LCT: variants seen among roughly 807,000 people sequenced by gnomAD.
LCT encodes lactase/phlorizin hydrolase.
A neutral mutation model predicts 173.0 loss-of-function variants in LCT; 90 were observed. The observed-to-expected ratio is 0.52, with a 90% CI of 0.44 to 0.62. The LOEUF is 0.62. LCT is among the 20% of genes least tolerant of loss of function. The probability of loss-of-function intolerance (pLI) is 0.00; values close to 1 mark genes in which losing one functional copy is unlikely to be tolerated. For synonymous variants in LCT, 853 were observed against 957.6 expected (o/e 0.89, Z 2.02); for missense variants, 1,864 against 2,431.4 (o/e 0.77, Z 4.91).
At chr2:135,800,252 T>G (rs2077614478) in intron 12 of LCT, among the ~76,000 whole-genome samples, 1 of 152,000 alleles carries the variant, frequency 6.6e-6, no homozygotes, top group African/African-American at 2.4e-5. Flanking sequence ...TTTTTGGGGG[T>G]TGGGGGTGGT....
Position 135,790,667 on chromosome 2 carries a change from C to T in LCT, c.5326G>A (p.Ala1776Thr), listed in dbSNP as rs755154507. Residue 1776 changes from alanine to threonine, a missense_variant, in exon 15 of 17, where the codon GCC becomes ACC. Around this residue, in one of 4 missense-constraint regions of LCT, gnomAD observed 514 missense variants for 750.1 expected, o/e 0.69. Transcript: ENST00000264162. This position sits in a 1 kb window ranked among gnomAD's most constrained non-coding sequence, Gnocchi z 4.1. Reference sequence around the variant, plus strand: ...GGCGGGCCCGTCGTACCTTTGAGGGCCTCATTGATGTAAGTCCGAAGGTAG... The same window carrying T: ...GGCGGGCCCGTCGTACCTTTGAGGGTCTCATTGATGTAAGTCCGAAGGTAG... ...IYYLRTYINE[A>T]LKAVQDKVDL... The T allele has an allele frequency of 1.2e-6, 2 of 1,608,464 alleles. No homozygotes were observed. The highest frequency in any genetic ancestry group is 1.7e-6 in the Non-Finnish European group (2 of 1,176,132).
intron 5 of LCT, among the ~76,000 whole-genome samples, chr2:135,818,632 G>T (rs919129604): frequency 1.3e-5 from 2 of 152,202 alleles, no homozygotes; most frequent in African/African-American, 4.8e-5. Flanking sequence ...GAGGTCAGAA[G>T]TTCGAGACCA....
At chr2:135,802,193 C>T (rs2077633210) in intron 11 of LCT, among the ~76,000 whole-genome samples, 1 of 152,194 alleles carries the variant, frequency 6.6e-6, no homozygotes. Context: ...CTCCTGGTGG[C>T]TCTTTCCAGC....
intron 2 of LCT, among the ~76,000 whole-genome samples, chr2:135,832,444 T>A (rs1234441046): frequency 6.6e-6 from 1 of 150,668 alleles, no homozygotes; most frequent in African/African-American, 2.4e-5. Flanking sequence ...AATAAATAAA[T>A]AAAAATAAAA....
rs769057785 is a variant in LCT at position 135,817,727 on chromosome 2, C to T, written c.1321G>A (p.Ala441Thr). ...TGAGCCCGGAGGCCGCAAAGCAGGG[C>T]GACGTCAGAGGCTACCTTGTGGTAA... is the stretch of plus-strand genomic sequence containing the variant. ...DSYHKVASDV[A>T]LLCGLRAQVY... is the part of the protein sequence containing the mutation. Residue 441 changes from alanine to threonine, a missense_variant, in exon 6 of 17, where the codon GCC becomes ACC. This residue lies in a region of LCT where 183 missense variants were observed against 293.1 expected (regional missense o/e 0.62). Transcript: ENST00000264162. The T allele has an allele frequency of 2.5e-6, 4 of 1,613,898 alleles. No homozygotes were observed. Among genetic ancestry groups the T allele is most frequent in the South Asian group, 1.1e-5 (1 of 91,086 alleles).
intron 1 of LCT, among the ~76,000 whole-genome samples, 174 bp downstream of exon 1, chr2:135,836,356 C>G (rs538097408): frequency 2.0e-5 from 3 of 152,160 alleles, no homozygotes; most frequent in East Asian, 1.9e-4. Flanking sequence ...TGTTAGCTAC[C>G]CCTTCCTATC....
At chr2:135,803,692 C>A (rs747833011) in intron 11 of LCT, among the ~76,000 whole-genome samples, 30 of 152,236 alleles carry the variant, frequency 2.0e-4, no homozygotes, top group African/African-American at 7.2e-4. Context: ...GAGCTTCCCA[C>A]CTGAGGCCGA....
In LCT at chr2:135,797,984, A is replaced by G. The variant is rs752729831; in HGVS notation, c.4976+45T>C. ...AACTTGCCCGAGACATGCCTCTGTGACCCCGACGCCCATGCCCTCACCACT... is the reference window on the plus strand; with the variant it reads ...AACTTGCCCGAGACATGCCTCTGTGGCCCCGACGCCCATGCCCTCACCACT... On this transcript the variant is annotated intron_variant, in intron 13 of 16. Coordinates refer to ENST00000264162, the MANE Select transcript of LCT (RefSeq NM_002299.4). 1.7e-5 allele frequency: 18 copies of G among 1,052,320 alleles called. No homozygotes were observed. In the East Asian group the frequency reaches 4.0e-4, roughly 23 times the overall value. The allele number at this position is 1,052,320 out of a possible 1,614,324, so 65.2% of individuals were successfully genotyped here. A position where few individuals can be genotyped will look rare whatever the true frequency, so the allele number is the denominator to read the frequency against.
At chr2:135,822,130 T>C in intron 4 of LCT, 32 bp from the exon 5 acceptor site, 1 of 1,261,780 alleles carries the variant, frequency 7.9e-7, no homozygotes, top group Non-Finnish European at 1.2e-6. Flanking sequence ...TAACTCTATG[T>C]AAATGCCAAC....
At chr2:135,831,777 T>C (rs984803210) in intron 2 of LCT, among the ~76,000 whole-genome samples, 1 of 152,052 alleles carries the variant, frequency 6.6e-6, no homozygotes, top group Non-Finnish European at 1.5e-5. Context: ...CAGACGCCAA[T>C]GAGCAGCACA....
At chr2:135,834,049 C>T (rs550550947) in intron 1 of LCT, among the ~76,000 whole-genome samples, 1 of 151,852 alleles carries the variant, frequency 6.6e-6, no homozygotes, top group African/African-American at 2.4e-5. Context: ...ATGATTTCTT[C>T]CCTTTTTAAT....
intron 5 of LCT, among the ~76,000 whole-genome samples, chr2:135,818,639 A>T (rs1259361231): frequency 6.6e-6 from 1 of 152,196 alleles, no homozygotes; most frequent in Non-Finnish European, 1.5e-5. Context: ...GAAGTTCGAG[A>T]CCAGACTGAC....
At chr2:135,830,076 G>A (rs1396121871) in intron 2 of LCT, among the ~76,000 whole-genome samples, 1 of 152,172 alleles carries the variant, frequency 6.6e-6, no homozygotes, top group Middle Eastern at 3.2e-3. Context: ...TGGGGGTGGT[G>A]GAGCCTTCAG....
rs200510408 is a variant in LCT at position 135,808,638 on chromosome 2, C to A, written c.3709G>T (p.Asp1237Tyr). 1.2e-6 allele frequency: 2 copies of A among 1,614,204 alleles called. No individual in the cohort carries two copies. Among genetic ancestry groups the A allele is most frequent in the Non-Finnish European group, 1.7e-6 (2 of 1,180,030 alleles). ...ATTGCCGTGGAAGGCCACGAAGGGTCCTCCTCCTCAGCCATCTCCTGGTCG... is the reference window on the plus strand; with the variant it reads ...ATTGCCGTGGAAGGCCACGAAGGGTACTCCTCCTCAGCCATCTCCTGGTCG... ...EDDQEMAEEE[D>Y]PSWPSTAMNR... is the part of the protein sequence containing the mutation. The change falls in exon 8 of 17, where the codon GAC becomes TAC. Residue 1237 changes from aspartate to tyrosine, a missense_variant. Coordinates refer to ENST00000264162, the MANE Select transcript of LCT (RefSeq NM_002299.4).
Position 135,789,810 on chromosome 2 carries a change from C to A in LCT, c.5336-12G>T, listed in dbSNP as rs1466915967. The A allele has an allele frequency of 6.2e-7, 1 of 1,608,776 alleles. No homozygotes were observed. The highest frequency in any genetic ancestry group is 8.5e-7 in the Non-Finnish European group (1 of 1,175,050). On this transcript the variant is annotated splice_polypyrimidine_tract_variant and intron_variant, in intron 15 of 16. Coordinates refer to ENST00000264162, the MANE Select transcript of LCT (RefSeq NM_002299.4). ...CTTGTCCTGCACAGCTGCTCAAACA[C>A]AGAGGACTAGGCATAAGTTTCCTAT...
chr2:135,826,988 AT>A (rs201025634), intron 3 of LCT, among the ~76,000 whole-genome samples: 192 of 150,648 alleles, frequency 1.3e-3, no homozygotes, highest in African/African-American at 4.5e-3. Context: ...CTTTTTCTTT[AT>A]TTTTTTTTGA....
In LCT at chr2:135,805,008, GT is replaced by G; in HGVS notation, c.4222del (p.Thr1408ArgfsTer7). 2 of 1,614,132 alleles carry G rather than the reference GT, an allele frequency of 1.2e-6. No homozygotes were observed. Among genetic ancestry groups the G allele is most frequent in the Non-Finnish European group, 1.7e-6 (2 of 1,180,012 alleles). On this transcript the variant is annotated frameshift_variant, in exon 10 of 17. Coordinates refer to ENST00000264162, the MANE Select transcript of LCT (RefSeq NM_002299.4). LOFTEE classifies it high-confidence loss of function. ...AACCCTCAGTGGTGTGTGAGAAAACGTGTCCCAAATGCTGAGTCCTTTGCCA... is the reference window on the plus strand; with the variant it reads ...AACCCTCAGTGGTGTGTGAGAAAACGGTCCCAAATGCTGAGTCCTTTGCCA... Reference protein sequence around the residue: ...ADGKGLSIWDTFSHTPLRVEN... With the variant: ...ADGKGLSIWDXFSHTPLRVEN...
intron 6 of LCT, among the ~76,000 whole-genome samples, chr2:135,816,966 T>G (rs148640746): frequency 6.6e-6 from 1 of 152,060 alleles, no homozygotes; most frequent in Admixed American, 6.5e-5. Context: ...CATACCAGGC[T>G]CAAGCGATCC....
rs1402138581 is a variant in LCT, at chr2:135,812,724, G to A, written c.1940C>T (p.Thr647Ile). 6.2e-7 allele frequency: 1 copy of A among 1,614,176 alleles called. No individual in the cohort carries two copies. ...VDGDYPATLR[T>I]QIQQMNRQCS... ...CTGTCTGTTCATCTGTTGGATCTGGGTCCTCAGGGTGGCTGGGTAGTCTCC... is the reference window on the plus strand; with the variant it reads ...CTGTCTGTTCATCTGTTGGATCTGGATCCTCAGGGTGGCTGGGTAGTCTCC... The change falls in exon 7 of 17, where the codon ACC (threonine) becomes ATC (isoleucine). Residue 647 changes from threonine (T) to isoleucine (I), a missense_variant. By Grantham distance (89) the Thr-to-Ile change is moderately conservative (BLOSUM62 -1). This residue lies in a region of LCT where 755 missense variants were observed against 926.3 expected (regional missense o/e 0.82). Transcript: ENST00000264162.
Sources: gnomAD v4.1 joint callset for allele counts (sites outside exome capture counted in the v4.1 genomes callset) on GRCh38, gnomAD v4.1.1 for gene constraint, gnomAD v4.1.1 regional missense constraint, Gnocchi (gnomAD v3.1) non-coding constraint, MANE v1.5 for transcripts, NCBI Gene and HGNC (gene_info 2026-07-23, HGNC 2026-07-21) for gene names.